Variants in PAK1 observed in about 807,000 individuals in gnomAD.
PAK1 encodes p21 (RAC1) activated kinase 1, also known as serine/threonine-protein kinase PAK 1.
A neutral mutation model predicts 67.4 loss-of-function variants in PAK1; 29 were observed. The ratio of observed to expected loss-of-function variants is 0.43; its 90% confidence interval spans 0.32 to 0.59. The LOEUF (loss-of-function observed/expected upper bound fraction) is 0.59, where lower values mean the gene tolerates loss of function less well. PAK1 is among the 20% of genes least tolerant of loss of function. The probability of loss-of-function intolerance (pLI) is 0.07; values close to 1 mark genes in which losing one functional copy is unlikely to be tolerated. For synonymous variants in PAK1, 223 were observed against 237.4 expected (o/e 0.94, Z 0.56); for missense variants, 337 against 670.7 (o/e 0.50, Z 5.50).
At chr11:77,411,517 G>A (rs879415714) in intron 1 of PAK1, among the ~76,000 whole-genome samples, 9 of 151,880 alleles carry the variant, frequency 5.9e-5, no homozygotes, top group Non-Finnish European at 8.8e-5. Context: ...GAGGCTGAGC[G>A]GTTCCCCAAA....
intron 1 of PAK1, among the ~76,000 whole-genome samples, chr11:77,414,751 T>C (rs948018415): frequency 1.3e-5 from 2 of 152,162 alleles, no homozygotes; most frequent in African/African-American, 4.8e-5. Flanking sequence ...TCAAAATGGA[T>C]CACAAACCAT....
At chr11:77,412,677 T>C (rs1321412114) in intron 1 of PAK1, among the ~76,000 whole-genome samples, 1 of 152,152 alleles carries the variant, frequency 6.6e-6, no homozygotes, top group Non-Finnish European at 1.5e-5. Context: ...CCTCTTCCCT[T>C]GGCCTCCCAA....
chr11:77,433,795 G>A (rs375156112), intron 1 of PAK1, among the ~76,000 whole-genome samples: 2 of 152,098 alleles, frequency 1.3e-5, no homozygotes, highest in South Asian at 2.1e-4. Context: ...TAAATAAACA[G>A]TAAAAAGACA....
At chr11:77,380,391 G>A (rs1949658962) in intron 2 of PAK1, among the ~76,000 whole-genome samples, 1 of 152,212 alleles carries the variant, frequency 6.6e-6, no homozygotes, top group Non-Finnish European at 1.5e-5. Context: ...TACTTGTGAA[G>A]CTGAGGCAAG....
At chr11:77,520,359 T>C in the PAK1 span, among the ~76,000 whole-genome samples, 1 of 152,160 alleles carries the variant, frequency 6.6e-6, no homozygotes. Context: ...TCCAGTTGCA[T>C]GACCATTTAG....
the PAK1 span, among the ~76,000 whole-genome samples, chr11:77,524,985 G>A: frequency 1.3e-5 from 2 of 152,128 alleles, no homozygotes; most frequent in African/African-American, 4.8e-5. Context: ...AAGACAAAAA[G>A]TGTTTTGAAG....
chr11:77,447,108 T>C (rs151052795), intron 1 of PAK1, among the ~76,000 whole-genome samples: 16 of 152,302 alleles, frequency 1.1e-4, no homozygotes, highest in African/African-American at 3.6e-4. Flanking sequence ...TTTTGTTACC[T>C]TTCTATAACA....
chr11:77,445,966 TTA>T (rs1280316726), intron 1 of PAK1, among the ~76,000 whole-genome samples: 4 of 152,212 alleles, frequency 2.6e-5, no homozygotes, highest in African/African-American at 9.7e-5. Flanking sequence ...TCATTCATCT[TTA>T]TATCTCCAGT....
intron 2 of PAK1, among the ~76,000 whole-genome samples, chr11:77,388,206 G>C (rs1237000427): frequency 6.6e-6 from 1 of 151,768 alleles, no homozygotes. Flanking sequence ...TTAGCCTAAG[G>C]TTACTTAGAT....
intron 9 of PAK1, among the ~76,000 whole-genome samples, chr11:77,344,742 C>G (rs973041731): frequency 6.6e-6 from 1 of 152,194 alleles, no homozygotes; most frequent in Non-Finnish European, 1.5e-5. Flanking sequence ...AAAGGGATGT[C>G]AAGTTATCCT....
At chr11:77,523,235 AT>A in the PAK1 span, among the ~76,000 whole-genome samples, 38 of 152,286 alleles carry the variant, frequency 2.5e-4, no homozygotes, top group South Asian at 6.2e-4. Context: ...TAGTTGAAAA[AT>A]TTTTTAAAAG....
chr11:77,353,157 G>A (rs1044565055), intron 8 of PAK1: 28 of 182,348 alleles, frequency 1.5e-4, no homozygotes, highest in Admixed American at 4.7e-4. Context: ...TCCTATCACA[G>A]TAGTAGAAGG....
intron 1 of PAK1, among the ~76,000 whole-genome samples, chr11:77,417,866 C>T (rs1955055513): frequency 6.6e-6 from 1 of 151,840 alleles, no homozygotes; most frequent in Non-Finnish European, 1.5e-5. Flanking sequence ...TCCCGAGTAG[C>T]TGGGATTACA....
At chr11:77,490,373 G>A in the PAK1 span, among the ~76,000 whole-genome samples, 1 of 141,264 alleles carries the variant, frequency 7.1e-6, no homozygotes, top group African/African-American at 2.8e-5. Context: ...CGTCCGGGAG[G>A]TGAGGGGTGC....
chr11:77,456,348 GA>G (rs1203744688), intron 1 of PAK1, among the ~76,000 whole-genome samples: 19 of 149,530 alleles, frequency 1.3e-4, no homozygotes, highest in Admixed American at 1.1e-3. Flanking sequence ...AACAGTAAAG[GA>G]AAAAAAAAGA....
intron 1 of PAK1, among the ~76,000 whole-genome samples, chr11:77,421,002 G>A (rs1031544374): frequency 2.0e-5 from 3 of 152,108 alleles, no homozygotes; most frequent in African/African-American, 7.2e-5. Context: ...GCCTCCCAGG[G>A]TGATCTATTT....
At chr11:77,435,494 C>CTTTTTTTTT (rs199613170) in intron 1 of PAK1, among the ~76,000 whole-genome samples, 1 of 141,294 alleles carries the variant, frequency 7.1e-6, no homozygotes, top group African/African-American at 2.5e-5. Context: ...CATATTTTCT[C>CTTTTTTTTT]TTTTTTTTTT....
At chr11:77,488,840 A>C in the PAK1 span, among the ~76,000 whole-genome samples, 1 of 152,204 alleles carries the variant, frequency 6.6e-6, no homozygotes, top group Non-Finnish European at 1.5e-5. Flanking sequence ...CTTATTGGCC[A>C]TAAAAAGGAG....
chr11:77,522,738 A>T, the PAK1 span, among the ~76,000 whole-genome samples: 1 of 152,210 alleles, frequency 6.6e-6, no homozygotes, highest in East Asian at 1.9e-4. Context: ...CCAAAGGAAA[A>T]TTAATTATTC....
Sources: gnomAD v4.1 joint callset for allele counts (sites outside exome capture counted in the v4.1 genomes callset) on GRCh38, gnomAD v4.1.1 for gene constraint, MANE v1.5 for transcripts, NCBI Gene and HGNC (gene_info 2026-07-23, HGNC 2026-07-21) for gene names.